The following EPS15 variants were observed in gnomAD, a reference collection of about 807,000 sequenced individuals.
EPS15 encodes the protein epidermal growth factor receptor substrate 15.
EPS15 carries 72 observed loss-of-function variants against 113.8 expected under a neutral mutation model. The ratio of observed to expected loss-of-function variants is 0.63; its 90% CI spans 0.52 to 0.77. The LOEUF (loss-of-function observed/expected upper bound fraction) is 0.77, where lower values mean the gene tolerates loss of function less well. Among genes scored for constraint, EPS15 ranks in the 30% least tolerant of loss-of-function variants. The pLI is 0.00. For synonymous variants in EPS15, 344 were observed against 363.4 expected (o/e 0.95, Z 0.61); for missense variants, 1,048 against 1,045.8 (o/e 1.00, Z -0.03).
At chr1:51,364,159 C>T (rs1406552991) in intron 22 of EPS15, 131 bp from the exon 23 acceptor site, 4 of 696,438 alleles carry the variant, frequency 5.7e-6, no homozygotes, top group East Asian at 3.3e-5. Context: ...GAAATTTTAA[C>T]CTTTGCATTC....
intron 13 of EPS15, among the ~76,000 whole-genome samples, chr1:51,412,952 T>C (rs1244483755): frequency 6.6e-6 from 1 of 152,238 alleles, no homozygotes; most frequent in Non-Finnish European, 1.5e-5. Flanking sequence ...GATATTTCTC[T>C]AGTCACTGTT....
At chr1:51,408,361 T>C in intron 14 of EPS15, 29 bp from the exon 15 acceptor site, 1 of 1,498,004 alleles carries the variant, frequency 6.7e-7, no homozygotes, top group Non-Finnish European at 9.3e-7. Flanking sequence ...TGAGAAGAAA[T>C]GGGGATTAAA....
chr1:51,515,774 T>C (rs2148572266), intron 1 of EPS15, among the ~76,000 whole-genome samples: 1 of 152,346 alleles, frequency 6.6e-6, no homozygotes, highest in South Asian at 2.1e-4. Flanking sequence ...GCCAAGCATC[T>C]AGTACATAGA....
At chr1:51,397,648 C>T (rs561321693) in intron 20 of EPS15, among the ~76,000 whole-genome samples, 9 of 152,198 alleles carry the variant, frequency 5.9e-5, no homozygotes, top group Admixed American at 2.6e-4. Context: ...TATTCAGTCA[C>T]GAAGGTATCT....
chr1:51,372,476 C>G (rs1407485795), intron 21 of EPS15: 4 of 533,320 alleles, frequency 7.5e-6, no homozygotes, highest in Non-Finnish European at 1.5e-5. Context: ...GGTTTTTAGA[C>G]CATGATTATT....
At chr1:51,436,187 A>C (rs1176314862) in intron 12 of EPS15, among the ~76,000 whole-genome samples, 1 of 152,248 alleles carries the variant, frequency 6.6e-6, no homozygotes, top group Non-Finnish European at 1.5e-5. Flanking sequence ...CAGAATGCCA[A>C]GAGAACACCA....
intron 13 of EPS15, among the ~76,000 whole-genome samples, chr1:51,411,337 G>A (rs770749081): frequency 1.4e-4 from 21 of 152,020 alleles, no homozygotes; most frequent in Non-Finnish European, 2.2e-4. Flanking sequence ...TGAGGAATTC[G>A]GACAATGTTT....
At chr1:51,451,215 G>A (rs748974181) in intron 8 of EPS15, among the ~76,000 whole-genome samples, 1 of 151,838 alleles carries the variant, frequency 6.6e-6, no homozygotes, top group Non-Finnish European at 1.5e-5. Context: ...TAGGCTGGGC[G>A]TGGTGGCTCA....
intron 18 of EPS15, 113 bp downstream of exon 18, chr1:51,402,322 G>C (rs1648649551): frequency 1.9e-6 from 1 of 539,364 alleles, no homozygotes; most frequent in Non-Finnish European, 3.2e-6. Context: ...ACTCCAGCCT[G>C]GGCGACAGAC....
At chr1:51,376,783 C>T (rs1646810552) in intron 21 of EPS15, among the ~76,000 whole-genome samples, 1 of 152,234 alleles carries the variant, frequency 6.6e-6, no homozygotes, top group Non-Finnish European at 1.5e-5. Context: ...GCTAACACAA[C>T]ATCCATTCTT....
chr1:51,492,640 T>C (rs1644254767), intron 1 of EPS15, among the ~76,000 whole-genome samples: 1 of 152,014 alleles, frequency 6.6e-6, no homozygotes, highest in Admixed American at 6.5e-5. Context: ...AAGCAAAGTA[T>C]AGCTTGGGTC....
intron 21 of EPS15, among the ~76,000 whole-genome samples, chr1:51,389,104 A>G (rs1647185459): frequency 6.6e-6 from 1 of 152,238 alleles, no homozygotes; most frequent in African/African-American, 2.4e-5. Flanking sequence ...GCAGCACATC[A>G]AAAAGCTTAT....
intron 12 of EPS15, among the ~76,000 whole-genome samples, chr1:51,429,504 G>A (rs1276787964): frequency 6.6e-6 from 1 of 152,042 alleles, no homozygotes; most frequent in Non-Finnish European, 1.5e-5. Flanking sequence ...AAAGTAGAGA[G>A]ATGAGAAAAT....
At chr1:51,465,938 G>A (rs1312273580) in intron 5 of EPS15, among the ~76,000 whole-genome samples, 4 of 150,884 alleles carry the variant, frequency 2.7e-5, no homozygotes, top group Admixed American at 2.0e-4. Context: ...AGTTCAAGGT[G>A]ACAGTGAGCT....
intron 21 of EPS15, among the ~76,000 whole-genome samples, chr1:51,375,025 G>A (rs1646762115): frequency 9.5e-6 from 1 of 105,762 alleles, no homozygotes; most frequent in Admixed American, 1.2e-4. Context: ...TTTTTGAGAT[G>A]GAGTCTTGCT....
chr1:51,411,791 C>T (rs1649748126), intron 13 of EPS15, among the ~76,000 whole-genome samples: 1 of 152,186 alleles, frequency 6.6e-6, no homozygotes, highest in Non-Finnish European at 1.5e-5. Flanking sequence ...TTGTGGAAGA[C>T]AGTCTGGCGA....
intron 9 of EPS15, 42 bp downstream of exon 9, chr1:51,448,004 T>C (rs1464279568): frequency 1.9e-6 from 3 of 1,603,036 alleles, no homozygotes; most frequent in Non-Finnish European, 2.6e-6. Flanking sequence ...CCTTGGCTGA[T>C]GCTGAAGAGG....
chr1:51,374,961 C>T (rs1357234481), intron 21 of EPS15, among the ~76,000 whole-genome samples: 1 of 151,462 alleles, frequency 6.6e-6, no homozygotes, highest in Non-Finnish European at 1.5e-5. Context: ...CAGGTGTAAG[C>T]CACCTCGCCC....
At chr1:51,364,908 C>T (rs1646474325) in intron 22 of EPS15, among the ~76,000 whole-genome samples, 1 of 152,100 alleles carries the variant, frequency 6.6e-6, no homozygotes, top group Non-Finnish European at 1.5e-5. Flanking sequence ...AGGCTCACTG[C>T]AACCTCTGCC....
Sources: gnomAD v4.1 joint callset for allele counts (sites outside exome capture counted in the v4.1 genomes callset) on GRCh38, gnomAD v4.1.1 for gene constraint, MANE v1.5 for transcripts, NCBI Gene and HGNC (gene_info 2026-07-23, HGNC 2026-07-21) for gene names.